PRUNE2: variants seen among roughly 807,000 people sequenced by gnomAD.
The protein encoded by PRUNE2 is prune homolog 2 with BCH domain.
A neutral mutation model predicts 252.0 loss-of-function variants in PRUNE2; 164 were observed. The observed-to-expected ratio is 0.65, with a 90% CI of 0.57 to 0.74. PRUNE2 has a LOEUF of 0.74. Among genes scored for constraint, PRUNE2 ranks in the 30% least tolerant of loss-of-function variants. PRUNE2 has a pLI of 0.00. For missense variants in PRUNE2, 3,495 were observed against 3,711.0 expected (o/e 0.94, Z 1.51); for synonymous variants, 1,292 against 1,350.2 (o/e 0.96, Z 0.94).
intron 6 of PRUNE2, among the ~76,000 whole-genome samples, chr9:76,771,545 T>C (rs1275154374): frequency 6.6e-6 from 1 of 152,036 alleles, no homozygotes; most frequent in Non-Finnish European, 1.5e-5. Flanking sequence ...GGGTCAGGGA[T>C]TGCTGGAGTG....
At chr9:76,794,477 T>G (rs1208172131) in intron 6 of PRUNE2, among the ~76,000 whole-genome samples, 1 of 151,332 alleles carries the variant, frequency 6.6e-6, no homozygotes, top group Non-Finnish European at 1.5e-5. Context: ...TAGCTGGGCG[T>G]AGTGGCCGGC....
chr9:76,617,909 G>A (rs1200265541), intron 18 of PRUNE2, among the ~76,000 whole-genome samples: 1 of 152,170 alleles, frequency 6.6e-6, no homozygotes, highest in African/African-American at 2.4e-5. Context: ...ACTGCTCAAG[G>A]GGGGTGCTGT....
intron 6 of PRUNE2, chr9:76,785,487 A>G (rs2054883039): frequency 6.6e-6 from 1 of 152,198 alleles, no homozygotes; most frequent in Non-Finnish European, 1.5e-5. Context: ...TATCTCTATC[A>G]CAATATCCAA....
intron 9 of PRUNE2, among the ~76,000 whole-genome samples, chr9:76,671,001 C>T (rs1293032412): frequency 2.0e-5 from 3 of 152,220 alleles, no homozygotes; most frequent in African/African-American, 7.2e-5. Context: ...AGCGCCTCTC[C>T]TCCTCCAAAG....
chr9:76,772,587 C>T (rs1032425231), intron 6 of PRUNE2, among the ~76,000 whole-genome samples: 4 of 152,050 alleles, frequency 2.6e-5, no homozygotes, highest in African/African-American at 9.7e-5. Context: ...TTTTTAGAGA[C>T]AGGGTCTTGC....
At chr9:76,846,970 G>A (rs184103387) in intron 3 of PRUNE2, among the ~76,000 whole-genome samples, 3 of 152,158 alleles carry the variant, frequency 2.0e-5, no homozygotes, top group Admixed American at 1.3e-4. Flanking sequence ...ACCACAGGCC[G>A]GATACTATTA....
intron 6 of PRUNE2, among the ~76,000 whole-genome samples, chr9:76,717,503 C>A (rs934293924): frequency 6.6e-6 from 1 of 152,116 alleles, no homozygotes; most frequent in Admixed American, 6.5e-5. Flanking sequence ...TGCCTTCTAC[C>A]TGATAAATTA....
intron 9 of PRUNE2, among the ~76,000 whole-genome samples, chr9:76,673,282 G>A (rs1222058849): frequency 1.3e-5 from 2 of 148,902 alleles, no homozygotes; most frequent in South Asian, 4.3e-4. Context: ...ACACCTCTAC[G>A]CAAATAAACT....
intron 1 of PRUNE2, among the ~76,000 whole-genome samples, chr9:76,903,656 C>T (rs1330661739): frequency 6.6e-6 from 1 of 152,130 alleles, no homozygotes; most frequent in Non-Finnish European, 1.5e-5. Context: ...GGCACAATCT[C>T]GACTCACTGC....
At position 76,708,473 on chromosome 9, in the gene PRUNE2, C is replaced by T. The variant is rs375880091; in HGVS notation, c.3801G>A (p.Ala1267=). The T allele has an allele frequency of 5.9e-5, 95 of 1,613,738 alleles. No homozygotes were observed. The highest frequency in any genetic ancestry group is 6.3e-5 in the Non-Finnish European group (74 of 1,179,870). The change falls in exon 8 of 19, where the codon GCG becomes GCA. Residue 1267 remains alanine, a synonymous_variant. Transcript: ENST00000376718. ...ATTCACTGGTTCCAGAGGCTGCTGG[C>T]GCATCTGGGGAATGAGTGTCTTTAA... The part of the protein sequence containing the change: ...ANVKDTHSPD[A]PAASGTSESE...
chr9:76,854,673 A>C (rs576195570), intron 1 of PRUNE2, among the ~76,000 whole-genome samples: 1 of 152,322 alleles, frequency 6.6e-6, no homozygotes, highest in East Asian at 1.9e-4. Flanking sequence ...ATTTTGGGTA[A>C]CAAGATAGGT....
chr9:76,789,217 T>C (rs1158413082), intron 6 of PRUNE2, among the ~76,000 whole-genome samples: 1 of 152,220 alleles, frequency 6.6e-6, no homozygotes. Context: ...TCCTCCTGCT[T>C]TGATAGTGTT....
intron 1 of PRUNE2, among the ~76,000 whole-genome samples, chr9:76,867,637 C>T (rs1164940388): frequency 2.0e-5 from 3 of 152,172 alleles, no homozygotes; most frequent in East Asian, 1.9e-4. Flanking sequence ...GGCACAATCT[C>T]GGCTCACTGC....
chr9:76,751,289 C>G (rs1287257132), intron 6 of PRUNE2, among the ~76,000 whole-genome samples: 1 of 152,014 alleles, frequency 6.6e-6, no homozygotes, highest in Non-Finnish European at 1.5e-5. Context: ...CACACACACA[C>G]AGAAATCTTA....
At chr9:76,864,810 C>T (rs925166551) in intron 1 of PRUNE2, among the ~76,000 whole-genome samples, 57 of 152,116 alleles carry the variant, frequency 3.7e-4, no homozygotes, top group African/African-American at 1.4e-3. Context: ...GCAAATTAGA[C>T]CAACAATAAA....
rs2046112033 is a variant in PRUNE2, at chr9:76,704,061, T to G, written c.7552A>C (p.Thr2518Pro). The stretch of plus-strand genomic sequence containing the variant: ...TGCTCAGGCTCTTTGGTAGGAATTG[T>G]TTTTTCTTCTTCCAATTCTGATATT... ...KEISELEEEK[T>P]IPTKEPEQIK... is the part of the protein sequence containing the mutation. Residue 2518 changes from threonine to proline, a missense_variant, in exon 9 of 19, where the codon ACA becomes CCA. Physicochemically the swap from Thr to Pro is conservative, Grantham distance 38. Coordinates refer to ENST00000376718, the MANE Select transcript of PRUNE2 (RefSeq NM_015225.3). 3 of 1,601,202 alleles carry G rather than the reference T, an allele frequency of 1.9e-6. No homozygotes were observed. The highest frequency in any genetic ancestry group is 1.3e-5 in the African/African-American group (1 of 74,338).
intron 9 of PRUNE2, among the ~76,000 whole-genome samples, chr9:76,682,432 G>T (rs983271580): frequency 6.7e-5 from 10 of 150,374 alleles, no homozygotes; most frequent in African/African-American, 2.4e-4. Flanking sequence ...CGTGATCTCG[G>T]CCCACAACAA....
chr9:76,615,980 G>A (rs1468005924), intron 18 of PRUNE2, among the ~76,000 whole-genome samples: 2 of 152,012 alleles, frequency 1.3e-5, no homozygotes, highest in East Asian at 3.9e-4. Flanking sequence ...CTGTTGGCCA[G>A]GATGATCTCG....
chr9:76,885,607 C>T (rs892062316), intron 1 of PRUNE2, among the ~76,000 whole-genome samples: 29 of 152,070 alleles, frequency 1.9e-4, no homozygotes, highest in South Asian at 4.2e-4. Flanking sequence ...AACAGACTTA[C>T]TCTTCAGAGC....
Sources: allele counts gnomAD v4.1 joint callset (sites outside exome capture counted in the v4.1 genomes callset), GRCh38; gene constraint gnomAD v4.1.1; transcripts MANE v1.5; gene names NCBI Gene and HGNC (gene_info 2026-07-23, HGNC 2026-07-21).